Variants in GABRG3 observed in about 807,000 individuals in gnomAD.
GABRG3 encodes gamma-aminobutyric acid type A receptor subunit gamma3.
A neutral mutation model predicts 48.8 loss-of-function variants in GABRG3; 25 were observed. That is an observed-to-expected ratio of 0.51 (90% CI 0.37 to 0.72). The LOEUF (loss-of-function observed/expected upper bound fraction) is 0.72. GABRG3 is among the 30% of genes least tolerant of loss of function. The pLI is 0.00. For missense variants in GABRG3, 394 were observed against 577.9 expected, an observed-to-expected ratio of 0.68 and a Z score of 3.26; for synonymous variants, 227 against 217.6, an observed-to-expected ratio of 1.04 and a Z score of -0.38.
At chr15:27,238,089 A>G (rs1890029812) in intron 3 of GABRG3, among the ~76,000 whole-genome samples, 1 of 144,582 alleles carries the variant, frequency 6.9e-6, no homozygotes, top group Non-Finnish European at 1.6e-5. Context: ...ACCTGGTGTG[A>G]TGGGATCATC....
intron 3 of GABRG3, among the ~76,000 whole-genome samples, chr15:27,065,221 C>T (rs2140727680): frequency 6.6e-6 from 1 of 152,254 alleles, no homozygotes; most frequent in East Asian, 1.9e-4. Flanking sequence ...TGAATGAATA[C>T]TAAGTGAACA....
chr15:27,197,927 T>C (rs1888548525), intron 3 of GABRG3, among the ~76,000 whole-genome samples: 1 of 152,200 alleles, frequency 6.6e-6, no homozygotes, highest in Non-Finnish European at 1.5e-5. Flanking sequence ...TGGTGGTAGT[T>C]TGTATTTCTG....
chr15:27,410,981 AGCG>A (rs1887780139), intron 5 of GABRG3, among the ~76,000 whole-genome samples: 1 of 152,062 alleles, frequency 6.6e-6, no homozygotes, highest in Non-Finnish European at 1.5e-5. Context: ...AAGATCCATC[AGCG>A]ATGAGACATT....
intron 5 of GABRG3, among the ~76,000 whole-genome samples, chr15:27,446,332 C>T (rs956958914): frequency 6.6e-6 from 1 of 152,100 alleles, no homozygotes; most frequent in Non-Finnish European, 1.5e-5. Context: ...TTTTGTAGGA[C>T]ATTCGTGTGC....
At chr15:27,462,291 G>A (rs991232216) in intron 5 of GABRG3, among the ~76,000 whole-genome samples, 6 of 152,100 alleles carry the variant, frequency 3.9e-5, no homozygotes, top group African/African-American at 1.4e-4. Flanking sequence ...AGGAGAGCAG[G>A]GACCTTGCTA....
intron 5 of GABRG3, among the ~76,000 whole-genome samples, chr15:27,389,166 A>T (rs910758407): frequency 6.6e-6 from 1 of 152,228 alleles, no homozygotes; most frequent in African/African-American, 2.4e-5. Context: ...ATCCAAATAG[A>T]AAGTTAACAG....
intron 3 of GABRG3, among the ~76,000 whole-genome samples, chr15:27,269,765 A>G (rs1290209085): frequency 1.3e-5 from 2 of 152,210 alleles, no homozygotes; most frequent in African/African-American, 2.4e-5. Context: ...TCATGTATCA[A>G]AAGGCATCAC....
chr15:27,528,116 A>G (rs1891326002), intron 9 of GABRG3, 124 bp downstream of exon 9: 5 of 727,718 alleles, frequency 6.9e-6, no homozygotes, highest in Non-Finnish European at 1.2e-5. Flanking sequence ...GCACATGCTG[A>G]CTTCAAAAAT....
rs57903886 is a variant in GABRG3, at chr15:27,062,434, T to TAAAAAAAAAAAAAAAAAAAAAAAAAA, written c.270+35637_270+35638insAAAAAAAAAAAAAAAAAAAAAAAAAA. On this transcript the variant is annotated intron_variant, in intron 3 of 9. Coordinates refer to ENST00000615808, the MANE Select transcript of GABRG3 (RefSeq NM_033223.5). ...CAACATGGTGAAACTCCATCTCTAC[T>TAAAAAAAAAAAAAAAAAAAAAAAAAA]AAAAAAAAAAAAAAAAAAAAAAAAT... is the stretch of plus-strand genomic sequence containing the variant. Among the ~76,000 whole-genome samples the TAAAAAAAAAAAAAAAAAAAAAAAAAA allele has an allele frequency of 4.3e-4, 14 of 32,846 alleles. 1 individual carries two copies. Among genetic ancestry groups the TAAAAAAAAAAAAAAAAAAAAAAAAAA allele is most frequent in the Admixed American group, 9.4e-4 (2 of 2,118 alleles). 21.5% of individuals were successfully genotyped at this position (32,846 alleles called of 152,430 possible). A position where few individuals can be genotyped will look rare whatever the true frequency, so the allele number is the denominator to read the frequency against.
At chr15:27,430,187 A>G (rs980143496) in intron 5 of GABRG3, among the ~76,000 whole-genome samples, 12 of 152,154 alleles carry the variant, frequency 7.9e-5, no homozygotes, top group African/African-American at 2.9e-4. Context: ...CTTATTGGCC[A>G]TTCATATATA....
chr15:27,132,894 T>G (rs1175193118), intron 3 of GABRG3, among the ~76,000 whole-genome samples: 1 of 151,914 alleles, frequency 6.6e-6, no homozygotes, highest in Non-Finnish European at 1.5e-5. Flanking sequence ...AAACTTAGAT[T>G]ATTGATGTGT....
intron 3 of GABRG3, among the ~76,000 whole-genome samples, chr15:27,307,136 TTATA>T (rs1270439933): frequency 7.6e-6 from 1 of 131,442 alleles, no homozygotes; most frequent in Non-Finnish European, 1.5e-5. Flanking sequence ...ATAAACATGT[TTATA>T]CATATATAAA....
intron 3 of GABRG3, among the ~76,000 whole-genome samples, chr15:27,148,498 A>G (rs566519218): frequency 1.3e-4 from 20 of 151,980 alleles, no homozygotes; most frequent in Non-Finnish European, 2.2e-4. Flanking sequence ...AGCTCATTCT[A>G]TGAGGCCAAT....
At chr15:27,042,466 T>G (rs1324920464) in intron 3 of GABRG3, among the ~76,000 whole-genome samples, 1 of 152,210 alleles carries the variant, frequency 6.6e-6, no homozygotes, top group African/African-American at 2.4e-5. Context: ...CCAAGGGGCC[T>G]GGCGGCCCTC....
Position 27,247,693 on chromosome 15 carries a change from G to A in GABRG3, c.271-79116G>A, listed in dbSNP as rs144317412. On this transcript the variant is annotated intron_variant, in intron 3 of 9. Coordinates refer to ENST00000615808, the MANE Select transcript of GABRG3 (RefSeq NM_033223.5). Reference sequence around the variant, plus strand: ...AAAGAAAGAGGTTTATTGGAATTACGGTCTCACATGGCTGGGGAGGCCTCA... The same window carrying A: ...AAAGAAAGAGGTTTATTGGAATTACAGTCTCACATGGCTGGGGAGGCCTCA... Among the ~76,000 whole-genome samples, 399 of 152,208 alleles carry A rather than the reference G, an allele frequency of 2.6e-3. 2 individuals are homozygous for A. The highest frequency in any genetic ancestry group is 8.8e-3 in the African/African-American group (367 of 41,528).
At chr15:27,014,092 G>T (rs369540203) in intron 2 of GABRG3, among the ~76,000 whole-genome samples, 3 of 151,922 alleles carry the variant, frequency 2.0e-5, no homozygotes, top group Non-Finnish European at 4.4e-5. Flanking sequence ...TACAATTGGC[G>T]TACAATTATT....
At chr15:27,160,982 A>G (rs766247373) in intron 3 of GABRG3, 1 of 151,916 alleles carries the variant, frequency 6.6e-6, no homozygotes, top group Non-Finnish European at 1.5e-5. Context: ...TACAGACAAA[A>G]TGCTGGGAGC....
chr15:26,978,885 G>C (rs1216108324), intron 2 of GABRG3, among the ~76,000 whole-genome samples: 1 of 152,274 alleles, frequency 6.6e-6, no homozygotes, highest in African/African-American at 2.4e-5. Flanking sequence ...GCTGGGATTT[G>C]GTAGGAGTTT....
intron 6 of GABRG3, among the ~76,000 whole-genome samples, chr15:27,505,129 A>G (rs1328602462): frequency 2.6e-5 from 4 of 152,080 alleles, no homozygotes; most frequent in Non-Finnish European, 5.9e-5. Flanking sequence ...CTTCAAATCT[A>G]TGATAATTTG....
Sources: gnomAD v4.1 joint callset for allele counts (sites outside exome capture counted in the v4.1 genomes callset) on GRCh38, gnomAD v4.1.1 for gene constraint, MANE v1.5 for transcripts, NCBI Gene and HGNC (gene_info 2026-07-23, HGNC 2026-07-21) for gene names.